The following PLCB1 variants were observed in gnomAD, a reference collection of about 807,000 sequenced individuals.
PLCB1 encodes 1-phosphatidylinositol 4,5-bisphosphate phosphodiesterase beta-1.
PLCB1 carries 46 observed loss-of-function variants against 161.8 expected under a neutral mutation model. That is an observed-to-expected ratio of 0.28 (90% CI 0.22 to 0.36). The LOEUF is 0.36. Among genes scored for constraint, PLCB1 ranks in the 10% least tolerant of loss-of-function variants. PLCB1 has a pLI of 1.00. For synonymous variants in PLCB1, 517 were observed against 503.7 expected (o/e 1.03, Z -0.35); for missense variants, 1,016 against 1,472.5 (o/e 0.69, Z 5.07).
chr20:8,490,136 T>G (rs2122773281), intron 3 of PLCB1, among the ~76,000 whole-genome samples: 1 of 152,286 alleles, frequency 6.6e-6, no homozygotes, highest in Non-Finnish European at 1.5e-5. Flanking sequence ...TGAGCCTCTC[T>G]CTTCAAAAGA....
At chr20:8,622,101 A>G (rs1338631581) in intron 3 of PLCB1, among the ~76,000 whole-genome samples, 1 of 151,866 alleles carries the variant, frequency 6.6e-6, no homozygotes, top group Non-Finnish European at 1.5e-5. Context: ...TCAAAATACA[A>G]ATTTAGGGGG....
intron 2 of PLCB1, among the ~76,000 whole-genome samples, chr20:8,283,159 C>T (rs1442721685): frequency 6.6e-6 from 1 of 152,112 alleles, no homozygotes; most frequent in African/African-American, 2.4e-5. Context: ...CATATTATCT[C>T]CATTTAAAAT....
At chr20:8,166,020 T>C (rs2051671173) in intron 2 of PLCB1, among the ~76,000 whole-genome samples, 1 of 152,202 alleles carries the variant, frequency 6.6e-6, no homozygotes, top group Admixed American at 6.5e-5. Flanking sequence ...CTTCCCTTTC[T>C]TATGTTGTCA....
chr20:8,701,179 G>A (rs1222806956), intron 11 of PLCB1, among the ~76,000 whole-genome samples: 2 of 152,108 alleles, frequency 1.3e-5, no homozygotes, highest in Admixed American at 1.3e-4. Context: ...AAGTGACTTT[G>A]TAATAAGAAA....
At chr20:8,192,845 A>G (rs1271543790) in intron 2 of PLCB1, among the ~76,000 whole-genome samples, 1 of 151,950 alleles carries the variant, frequency 6.6e-6, no homozygotes, top group African/African-American at 2.4e-5. Flanking sequence ...AGGGGGGCTA[A>G]TGTGTGTGTC....
At chr20:8,669,943 G>A (rs1989904128) in intron 9 of PLCB1, among the ~76,000 whole-genome samples, 1 of 152,192 alleles carries the variant, frequency 6.6e-6, no homozygotes, top group Non-Finnish European at 1.5e-5. Flanking sequence ...ATAACATTCT[G>A]GTGAAGGAGC....
chr20:8,724,774 A>T (rs1568574165), intron 16 of PLCB1, 22 bp downstream of exon 16: 5 of 1,274,924 alleles, frequency 3.9e-6, no homozygotes, highest in Non-Finnish European at 5.7e-6. Flanking sequence ...CTGGAGAAAA[A>T]CCCCTCTTGC....
At chr20:8,458,131 C>T (rs558211105) in intron 3 of PLCB1, among the ~76,000 whole-genome samples, 2 of 152,228 alleles carry the variant, frequency 1.3e-5, no homozygotes, top group South Asian at 4.1e-4. Flanking sequence ...GGAAGCAGAT[C>T]TTGCTTCCTC....
At chr20:8,312,753 A>G (rs146534513) in intron 2 of PLCB1, among the ~76,000 whole-genome samples, 11 of 152,282 alleles carry the variant, frequency 7.2e-5, no homozygotes, top group African/African-American at 2.6e-4. Flanking sequence ...TACTGAAGTA[A>G]TATAAACTCT....
At chr20:8,583,590 C>T (rs1986899004) in intron 3 of PLCB1, among the ~76,000 whole-genome samples, 1 of 152,162 alleles carries the variant, frequency 6.6e-6, no homozygotes, top group African/African-American at 2.4e-5. Flanking sequence ...GATCTGTGTG[C>T]TTTCGTTGAG....
At chr20:8,761,979 G>T (rs966941474) in intron 25 of PLCB1, among the ~76,000 whole-genome samples, 1 of 151,528 alleles carries the variant, frequency 6.6e-6, no homozygotes, top group African/African-American at 2.4e-5. Flanking sequence ...GAGGCCAAGG[G>T]GGGGGCGGAT....
chr20:8,674,042 C>T (rs924944762), intron 9 of PLCB1, among the ~76,000 whole-genome samples: 2 of 152,148 alleles, frequency 1.3e-5, no homozygotes, highest in Non-Finnish European at 2.9e-5. Flanking sequence ...ATAAATACTC[C>T]AGCTCCCTCC....
chr20:8,633,139 CACACACACATATT>C (rs1568538037), intron 4 of PLCB1, among the ~76,000 whole-genome samples: 1 of 116,814 alleles, frequency 8.6e-6, no homozygotes, highest in African/African-American at 3.2e-5. Context: ...CACACACACA[CACACACACATATT>C]ATAAAGAAGG....
intron 3 of PLCB1, among the ~76,000 whole-genome samples, chr20:8,561,009 C>A (rs934964142): frequency 6.6e-6 from 1 of 151,804 alleles, no homozygotes; most frequent in African/African-American, 2.4e-5. Context: ...AATTAAACTG[C>A]TCAAGGAGAA....
intron 23 of PLCB1, chr20:8,750,765 C>G (rs1450940409): frequency 3.7e-6 from 4 of 1,082,288 alleles, no homozygotes; most frequent in Non-Finnish European, 5.2e-6. Context: ...AAGGCTGGCT[C>G]TAACAAAGCT....
At chr20:8,675,226 C>G (rs1467408164) in intron 9 of PLCB1, among the ~76,000 whole-genome samples, 1 of 152,092 alleles carries the variant, frequency 6.6e-6, no homozygotes, top group Admixed American at 6.6e-5. Flanking sequence ...CTGCTTCTTG[C>G]ACGCACCACC....
At chr20:8,314,337 C>T (rs1984539652) in intron 2 of PLCB1, among the ~76,000 whole-genome samples, 1 of 152,118 alleles carries the variant, frequency 6.6e-6, no homozygotes. Context: ...ATCTTCTAAG[C>T]TCAGTGGAGA....
At chr20:8,690,101 T>C (rs1321429385) in intron 10 of PLCB1, among the ~76,000 whole-genome samples, 2 of 149,466 alleles carry the variant, frequency 1.3e-5, no homozygotes, top group African/African-American at 4.9e-5. Context: ...AAAACTATAT[T>C]AACTATGTTA....
chr20:8,338,214 TA>T (rs1046491844), intron 2 of PLCB1, among the ~76,000 whole-genome samples: 1 of 152,136 alleles, frequency 6.6e-6, no homozygotes, highest in African/African-American at 2.4e-5. Context: ...TCCAAAAATA[TA>T]AAGGGCAGGA....
Sources: gnomAD v4.1 joint callset for allele counts (sites outside exome capture counted in the v4.1 genomes callset) on GRCh38, gnomAD v4.1.1 for gene constraint, MANE v1.5 for transcripts, NCBI Gene and HGNC (gene_info 2026-07-23, HGNC 2026-07-21) for gene names.